PDE4D: variants seen among roughly 807,000 people sequenced by gnomAD.
PDE4D encodes the protein 3',5'-cyclic-AMP phosphodiesterase 4D.
A neutral mutation model predicts 87.4 loss-of-function variants in PDE4D; 24 were observed. The observed-to-expected ratio is 0.27, with a 90% CI of 0.20 to 0.39. The LOEUF (loss-of-function observed/expected upper bound fraction) is 0.39. PDE4D is among the 10% of genes least tolerant of loss of function. The pLI, the probability that PDE4D is intolerant of heterozygous loss-of-function variation, is 1.00. For synonymous variants in PDE4D, 384 were observed against 383.2 expected (o/e 1.00, Z -0.02); for missense variants, 714 against 1,041.0 (o/e 0.69, Z 4.32).
At chr5:59,204,046 T>C (rs1748164175) in intron 2 of PDE4D, among the ~76,000 whole-genome samples, 1 of 152,230 alleles carries the variant, frequency 6.6e-6, no homozygotes, top group Non-Finnish European at 1.5e-5. Flanking sequence ...TGTTAGGTGA[T>C]GGACCTGTTA....
chr5:59,157,664 C>G (rs748447516), intron 5 of PDE4D, among the ~76,000 whole-genome samples: 4 of 152,126 alleles, frequency 2.6e-5, no homozygotes, highest in Non-Finnish European at 5.9e-5. Context: ...ACCAACCAAA[C>G]ACATAATTAG....
At chr5:59,783,732 G>C (rs1362796827) in intron 1 of PDE4D, among the ~76,000 whole-genome samples, 1 of 152,144 alleles carries the variant, frequency 6.6e-6, no homozygotes, top group East Asian at 1.9e-4. Flanking sequence ...GTGTTTAATT[G>C]ATCCTGGAAC....
At chr5:59,852,264 C>T (rs58815573) in intron 1 of PDE4D, among the ~76,000 whole-genome samples, 14,093 of 152,044 alleles carry the variant, frequency 0.093, 2,019 homozygotes, top group African/African-American at 0.31. Context: ...TCTGTAGTCC[C>T]TTCCTCACTC....
chr5:59,644,051 T>G (rs919071077), intron 1 of PDE4D, among the ~76,000 whole-genome samples: 3 of 152,170 alleles, frequency 2.0e-5, no homozygotes, highest in African/African-American at 7.2e-5. Context: ...TTGGTTTAGA[T>G]GAACATTAAG....
intron 1 of PDE4D, among the ~76,000 whole-genome samples, chr5:59,758,383 CTAAG>C (rs575680933): frequency 8.2e-4 from 125 of 152,194 alleles, no homozygotes; most frequent in African/African-American, 2.8e-3. Flanking sequence ...TATTATGAAC[CTAAG>C]TGTTTTTATT....
intron 6 of PDE4D, among the ~76,000 whole-genome samples, chr5:58,998,234 A>G (rs1210583431): frequency 6.6e-6 from 1 of 152,128 alleles, no homozygotes; most frequent in Non-Finnish European, 1.5e-5. Context: ...ATTTTCCTCA[A>G]AAAGAAACGT....
At chr5:59,955,398 G>A (rs1375997105) in intron 3 of PDE4D, among the ~76,000 whole-genome samples, 1 of 152,146 alleles carries the variant, frequency 6.6e-6, no homozygotes, top group African/African-American at 2.4e-5. Context: ...TACCAAATCA[G>A]TTATTCTGTT....
chr5:59,660,936 A>G lies in PDE4D; in HGVS notation c.455+232232T>C, dbSNP rs190113114. Among the ~76,000 whole-genome samples the G allele has an allele frequency of 4.9e-3, 749 of 151,996 alleles. 4 individuals are homozygous for G. Among genetic ancestry groups the G allele is most frequent in the Middle Eastern group, 0.01 (3 of 294 alleles). ...TCAAACTCTAATCTACCACTCTTAG[A>G]TCATAATGCCAAGAGTAACCCCTAC... On this transcript the variant is annotated intron_variant, in intron 1 of 14. Transcript: ENST00000340635.
intron 1 of PDE4D, among the ~76,000 whole-genome samples, chr5:60,228,746 A>G (rs572236440): frequency 7.9e-5 from 12 of 152,132 alleles, no homozygotes; most frequent in Non-Finnish European, 1.3e-4. Context: ...ACAAAAAAAC[A>G]AAAAGCCACA....
chr5:59,125,160 G>T (rs1775196385), intron 5 of PDE4D: 1 of 358,074 alleles, frequency 2.8e-6, no homozygotes, highest in Admixed American at 6.4e-5. Flanking sequence ...AGTTAGAAGA[G>T]ATTGAGCTAT....
At chr5:59,972,064 G>T (rs1156515830) in intron 3 of PDE4D, among the ~76,000 whole-genome samples, 1 of 152,148 alleles carries the variant, frequency 6.6e-6, no homozygotes, top group Non-Finnish European at 1.5e-5. Flanking sequence ...AGCTACAACA[G>T]ATGCCACTGG....
In PDE4D at chr5:58,971,206, C is replaced by G. The variant is rs1742540184; in HGVS notation, c.*3458G>C. ...TATTGGTTAAAGTTAAGGCACAGCC[C>G]TGGGACCAAAGACCTGCAGCTATGT... On this transcript the variant is annotated 3_prime_UTR_variant, in exon 15 of 15. Transcript: ENST00000340635. 1 of 152,236 alleles carries G rather than the reference C, an allele frequency of 6.6e-6. No homozygotes were observed. The highest frequency in any genetic ancestry group is 1.5e-5 in the Non-Finnish European group (1 of 68,040). The allele number at this position is 152,236 out of a possible 1,614,324, so 9.4% of individuals were successfully genotyped here.
chr5:59,701,251 G>A (rs1433573470), intron 1 of PDE4D, among the ~76,000 whole-genome samples: 1 of 151,998 alleles, frequency 6.6e-6, no homozygotes, highest in Non-Finnish European at 1.5e-5. Flanking sequence ...CCCAGAAAAG[G>A]TTAGGTTCTG....
chr5:59,788,160 A>T (rs1044132885), intron 1 of PDE4D, among the ~76,000 whole-genome samples: 3 of 152,242 alleles, frequency 2.0e-5, no homozygotes, highest in Admixed American at 1.3e-4. Context: ...CTTTAAAATG[A>T]TGGCTTTGAT....
At chr5:60,357,946 C>T (rs953172673) in intron 1 of PDE4D, among the ~76,000 whole-genome samples, 1 of 152,168 alleles carries the variant, frequency 6.6e-6, no homozygotes, top group Non-Finnish European at 1.5e-5. Context: ...TTAACAAAAG[C>T]CATACAATAC....
chr5:59,438,749 T>A (rs77989086), intron 1 of PDE4D, among the ~76,000 whole-genome samples: 2,456 of 152,202 alleles, frequency 0.016, 63 homozygotes, highest in East Asian at 0.077. Context: ...TCTCCAAATC[T>A]ATTTCTGTAC....
Position 60,421,944 on chromosome 5 carries a change from C to A in PDE4D, c.-90+65998G>T, listed in dbSNP as rs557898528. Among the ~76,000 whole-genome samples the A allele has an allele frequency of 3.3e-5, 5 of 152,262 alleles. No individual in the cohort carries two copies. In the South Asian group the frequency reaches 8.3e-4, roughly 25 times the overall value. On this transcript the variant is annotated intron_variant, in intron 1 of 16. Transcript: ENST00000502484. Reference sequence around the variant, plus strand: ...AGATCAAGTCGAAGAAAGGATATCACTGACTGAAGATCAAATGAATGAAAT... The same window carrying A: ...AGATCAAGTCGAAGAAAGGATATCAATGACTGAAGATCAAATGAATGAAAT...
chr5:59,566,895 G>T (rs981930998), intron 1 of PDE4D, among the ~76,000 whole-genome samples: 21 of 151,926 alleles, frequency 1.4e-4, no homozygotes, highest in Admixed American at 4.6e-4. Flanking sequence ...AAACATGTTT[G>T]CTTGTGGGGT....
chr5:59,444,238 C>T (rs1798038346), intron 1 of PDE4D, among the ~76,000 whole-genome samples: 1 of 151,966 alleles, frequency 6.6e-6, no homozygotes, highest in African/African-American at 2.4e-5. Context: ...ACATGCAAAC[C>T]CTGGGCTTGG....
Sources: allele counts gnomAD v4.1 joint callset (sites outside exome capture counted in the v4.1 genomes callset), GRCh38; gene constraint gnomAD v4.1.1; transcripts MANE v1.5; gene names NCBI Gene and HGNC (gene_info 2026-07-23, HGNC 2026-07-21).